Variants in ZNF804A observed in about 807,000 individuals in gnomAD.
ZNF804A encodes the protein zinc finger protein 804A.
In ZNF804A, 2 loss-of-function variants were observed where a neutral mutation model predicts 16.5. The ratio of observed to expected loss-of-function variants is 0.12; its 90% CI spans 0.05 to 0.38. The LOEUF is 0.38. Ranked by LOEUF, ZNF804A falls within the 10% of genes least tolerant of loss-of-function variation. ZNF804A has a pLI of 0.99. For synonymous variants in ZNF804A, 534 were observed against 489.6 expected (o/e 1.09, Z -1.20); for missense variants, 1,473 against 1,390.7 (o/e 1.06, Z -0.94).
intron 1 of ZNF804A, among the ~76,000 whole-genome samples, chr2:184,691,584 C>T (rs955547121): frequency 1.3e-5 from 2 of 151,760 alleles, no homozygotes; most frequent in African/African-American, 2.4e-5. Flanking sequence ...TTTCTATCTA[C>T]AATATCCAAT....
intron 1 of ZNF804A, among the ~76,000 whole-genome samples, chr2:184,735,200 T>C (rs936787952): frequency 6.6e-6 from 1 of 152,232 alleles, no homozygotes; most frequent in Admixed American, 6.5e-5. Flanking sequence ...CCACTTGGTT[T>C]TTTTTCAGTT....
intron 1 of ZNF804A, among the ~76,000 whole-genome samples, chr2:184,708,670 A>G (rs1693074036): frequency 1.3e-5 from 2 of 152,166 alleles, no homozygotes; most frequent in Admixed American, 1.3e-4. Flanking sequence ...TCAAGATGGG[A>G]AATTCTATAT....
intron 1 of ZNF804A, among the ~76,000 whole-genome samples, chr2:184,855,470 A>G (rs973437878): frequency 6.6e-6 from 1 of 151,992 alleles, no homozygotes; most frequent in African/African-American, 2.4e-5. Context: ...ATTCTCATCA[A>G]ACATAACTTT....
intron 1 of ZNF804A, among the ~76,000 whole-genome samples, chr2:184,723,584 T>C (rs1011906150): frequency 2.0e-5 from 3 of 151,844 alleles, no homozygotes; most frequent in Admixed American, 1.3e-4. Flanking sequence ...CATTACATAT[T>C]AGTGTTTTCA....
At chr2:184,779,059 A>G (rs1694334219) in intron 1 of ZNF804A, among the ~76,000 whole-genome samples, 1 of 151,736 alleles carries the variant, frequency 6.6e-6, no homozygotes, top group Non-Finnish European at 1.5e-5. Context: ...CAATTTCACC[A>G]TTGTTTATCA....
At chr2:184,603,858 A>G (rs1023460110) in intron 1 of ZNF804A, among the ~76,000 whole-genome samples, 1 of 152,178 alleles carries the variant, frequency 6.6e-6, no homozygotes, top group Non-Finnish European at 1.5e-5. Context: ...AAGGTGTCAT[A>G]TATTCTTGCT....
At chr2:184,779,775 G>A (rs563328102) in intron 1 of ZNF804A, among the ~76,000 whole-genome samples, 5 of 151,628 alleles carry the variant, frequency 3.3e-5, no homozygotes, top group East Asian at 1.9e-4. Flanking sequence ...ACGCAACTCC[G>A]CAGACACCCT....
rs192190747 is a variant in ZNF804A at position 184,882,535 on chromosome 2, C to T, written c.255+16023C>T. Among the ~76,000 whole-genome samples the T allele has an allele frequency of 1.9e-3, 291 of 151,586 alleles. 14 individuals are homozygous for T. The highest frequency in any genetic ancestry group is 3.5e-3 in the Admixed American group (54 of 15,216). On this transcript the variant is annotated intron_variant, in intron 2 of 3. Transcript: ENST00000302277. ...CTCATTTTCACATGGCACATACTCA[C>T]GATCATATAAAACAATGCTCAGCAA...
In ZNF804A at chr2:184,620,082, CACTT is replaced by C. The variant is rs1387770091; in HGVS notation, c.111+21014_111+21017del. On this transcript the variant is annotated intron_variant, in intron 1 of 3. Transcript: ENST00000302277. The stretch of plus-strand genomic sequence containing the variant: ...ATCAGATTATGAATAATATGATAAA[CACTT>C]ATTTCACTGATTTAAAAATATAAAC... 3.3e-5 allele frequency among the ~76,000 whole-genome samples: 5 copies of C among 151,568 alleles called. No individual in the cohort carries two copies. In the East Asian group the frequency reaches 5.8e-4, roughly 18 times the overall value.
chr2:184,831,495 G>T (rs967928253), intron 1 of ZNF804A, among the ~76,000 whole-genome samples: 2 of 151,996 alleles, frequency 1.3e-5, no homozygotes, highest in Non-Finnish European at 2.9e-5. Context: ...GTATCTGAGT[G>T]ATTTCAGTTT....
chr2:184,913,643 CA>C (rs1382917810), intron 2 of ZNF804A, among the ~76,000 whole-genome samples: 8 of 152,114 alleles, frequency 5.3e-5, no homozygotes, highest in African/African-American at 1.9e-4. Flanking sequence ...AGTGATCATT[CA>C]GTTCCTGTAA....
At chr2:184,929,507 G>C (rs1227579794) in intron 2 of ZNF804A, among the ~76,000 whole-genome samples, 1 of 151,946 alleles carries the variant, frequency 6.6e-6, no homozygotes, top group Non-Finnish European at 1.5e-5. Flanking sequence ...GTGTGTATGT[G>C]TGAGTATGTA....
chr2:184,665,120 T>C (rs1692236742), intron 1 of ZNF804A, among the ~76,000 whole-genome samples: 1 of 152,214 alleles, frequency 6.6e-6, no homozygotes, highest in South Asian at 2.1e-4. Flanking sequence ...ACACAAACTC[T>C]TAGTATTAAA....
rs961185824 is a variant in ZNF804A, at chr2:184,866,594, T to C, written c.255+82T>C. On this transcript the variant is annotated intron_variant, in intron 2 of 3. Transcript: ENST00000302277. ...TTGTGTAGACTCTATGAATATGATA[T>C]GATATTCTTATTTAATTTAATTTGC... is the stretch of plus-strand genomic sequence containing the variant. The C allele has an allele frequency of 3.5e-6, 4 of 1,154,840 alleles. No individual in the cohort carries two copies. The African/African-American group carries it at 4.9e-5, about 14-fold the overall frequency. 71.5% of individuals were successfully genotyped at this position (1,154,840 alleles called of 1,614,324 possible). A position where few individuals can be genotyped will look rare whatever the true frequency, so the allele number is the denominator to read the frequency against.
intron 1 of ZNF804A, among the ~76,000 whole-genome samples, chr2:184,724,616 T>C (rs1693374915): frequency 6.6e-6 from 1 of 151,632 alleles, no homozygotes; most frequent in Admixed American, 6.6e-5. Flanking sequence ...AGTCACTCTG[T>C]TATTGGCAAA....
chr2:184,879,148 TGA>T (rs141198554), intron 2 of ZNF804A, among the ~76,000 whole-genome samples: 9,728 of 151,444 alleles, frequency 0.064, 1,060 homozygotes, highest in African/African-American at 0.22. Context: ...GTTGTGTGTG[TGA>T]GAGAGAGAGA....
chr2:184,875,089 T>C (rs1696032322), intron 2 of ZNF804A, among the ~76,000 whole-genome samples: 1 of 152,202 alleles, frequency 6.6e-6, no homozygotes. Context: ...GATCACAATA[T>C]GTATGTTTGT....
intron 2 of ZNF804A, among the ~76,000 whole-genome samples, chr2:184,871,876 G>A (rs997111440): frequency 3.3e-5 from 5 of 151,910 alleles, no homozygotes; most frequent in African/African-American, 9.7e-5. Context: ...TGTATCACAA[G>A]GAAAGCAAGA....
At chr2:184,751,458 A>C (rs1307444230) in intron 1 of ZNF804A, among the ~76,000 whole-genome samples, 1 of 151,520 alleles carries the variant, frequency 6.6e-6, no homozygotes, top group Non-Finnish European at 1.5e-5. Flanking sequence ...TGACTTTGGC[A>C]GTAATTTCTT....
Sources: gnomAD v4.1 joint callset for allele counts (sites outside exome capture counted in the v4.1 genomes callset) on GRCh38, gnomAD v4.1.1 for gene constraint, MANE v1.5 for transcripts, NCBI Gene and HGNC (gene_info 2026-07-23, HGNC 2026-07-21) for gene names.